NEO1: variants seen among roughly 807,000 people sequenced by gnomAD.
The protein encoded by NEO1 is neogenin 1.
Under a neutral mutation model 159.7 loss-of-function variants are expected in NEO1, and 63 were observed. The ratio of observed to expected loss-of-function variants is 0.39; its 90% CI spans 0.32 to 0.49. NEO1 has a LOEUF of 0.49. NEO1 is among the 20% of genes least tolerant of loss of function. The pLI, the probability that NEO1 is intolerant of heterozygous loss-of-function variation, is 0.85. For missense variants in NEO1, 1,615 were observed against 1,831.0 expected (o/e 0.88, Z 2.15); for synonymous variants, 633 against 662.0 (o/e 0.96, Z 0.67).
At chr15:73,055,362 T>C (rs1254113556) in intron 1 of NEO1, among the ~76,000 whole-genome samples, 1 of 152,204 alleles carries the variant, frequency 6.6e-6, no homozygotes, top group Non-Finnish European at 1.5e-5. Flanking sequence ...TTAGAAAATG[T>C]TGCTTTGTAC....
At chr15:73,195,665 T>G (rs1470142335) in intron 7 of NEO1, among the ~76,000 whole-genome samples, 5 of 152,160 alleles carry the variant, frequency 3.3e-5, no homozygotes, top group Non-Finnish European at 2.9e-5. Context: ...TGCCTGAGTT[T>G]CCCCTTATAT....
intron 1 of NEO1, among the ~76,000 whole-genome samples, chr15:73,111,132 A>T (rs1429944950): frequency 1.3e-5 from 2 of 152,324 alleles, no homozygotes; most frequent in East Asian, 3.9e-4. Context: ...TACTCTCCCC[A>T]GGGAGAAAAC....
At chr15:73,218,528 A>G (rs960356569) in intron 7 of NEO1, among the ~76,000 whole-genome samples, 6 of 152,064 alleles carry the variant, frequency 3.9e-5, no homozygotes, top group Non-Finnish European at 7.4e-5. Flanking sequence ...TACCTCTGGT[A>G]GAATTCGGCT....
At chr15:73,102,552 C>G (rs748837700) in intron 1 of NEO1, among the ~76,000 whole-genome samples, 2 of 152,144 alleles carry the variant, frequency 1.3e-5, no homozygotes, top group Non-Finnish European at 2.9e-5. Flanking sequence ...CAATGTATAT[C>G]TAATGAATGG....
rs543627858 is a variant in NEO1, at chr15:73,112,424, TA to T, written c.131-4110del. Among the ~76,000 whole-genome samples, 340 of 152,268 alleles carry T rather than the reference TA, an allele frequency of 2.2e-3. 1 individual carries two copies. The highest frequency in any genetic ancestry group is 7.3e-3 in the African/African-American group (303 of 41,556). The stretch of plus-strand genomic sequence containing the variant: ...TTTGCTTTGTTATGGTATTTTGCCA[TA>T]AAAAATTTTTTTTTAATGCAATAAA... On this transcript the variant is annotated intron_variant, in intron 1 of 28. Transcript: ENST00000261908.
chr15:73,085,278 T>C (rs1263298498), intron 1 of NEO1, among the ~76,000 whole-genome samples: 2 of 152,074 alleles, frequency 1.3e-5, no homozygotes, highest in East Asian at 1.9e-4. Flanking sequence ...CACAACAACA[T>C]AGATGAATCT....
chr15:73,298,419 C>G lies in NEO1; in HGVS notation c.3973C>G (p.Gln1325Glu). The part of the protein sequence containing the change: ...SSSQTCCTDH[Q>E]DPEGATSSSY... ...GTCTCAAACATGCTGCACTGATCAC[C>G]AGGACCCTGAAGGTGCTACCAGCTC... The change falls in exon 27 of 29, where the codon CAG becomes GAG. Residue 1325 changes from glutamine (Q) to glutamate (E), a missense_variant. Around this residue, in one of 3 missense-constraint regions of NEO1, gnomAD observed 471 missense variants for 498.9 expected, o/e 0.94. Coordinates refer to ENST00000261908, the MANE Select transcript of NEO1 (RefSeq NM_002499.4). 6.2e-7 allele frequency: 1 copy of G among 1,614,232 alleles called. No individual in the cohort carries two copies. The highest frequency in any genetic ancestry group is 8.5e-7 in the Non-Finnish European group (1 of 1,180,050).
chr15:73,258,113 G>C lies in NEO1; in HGVS notation c.2093-653G>C, dbSNP rs563966237. 1.1e-4 allele frequency among the ~76,000 whole-genome samples: 16 copies of C among 152,300 alleles called. 1 individual carries two copies. The highest frequency in any genetic ancestry group is 6.8e-3 in the Middle Eastern group (2 of 294). ...GTAGAATAGACTTTTCTATGTGCAT[G>C]TTTGTTGCGTTTGATACATTGGTAA... On this transcript the variant is annotated intron_variant, in intron 13 of 28. Coordinates refer to ENST00000261908, the MANE Select transcript of NEO1 (RefSeq NM_002499.4).
intron 7 of NEO1, among the ~76,000 whole-genome samples, chr15:73,203,166 T>C (rs1006861468): frequency 1.3e-5 from 2 of 152,174 alleles, no homozygotes; most frequent in Non-Finnish European, 2.9e-5. Context: ...ATTGTTACTT[T>C]TGAGAGGAAC....
At chr15:73,081,630 C>CAGT (rs1261096238) in intron 1 of NEO1, among the ~76,000 whole-genome samples, 4 of 151,796 alleles carry the variant, frequency 2.6e-5, no homozygotes, top group Non-Finnish European at 5.9e-5. Context: ...GACTGGAGTG[C>CAGT]AGTAGCACCA....
At chr15:73,224,155 C>G (rs2038445242) in intron 7 of NEO1, among the ~76,000 whole-genome samples, 1 of 152,178 alleles carries the variant, frequency 6.6e-6, no homozygotes. Context: ...TCTAGGGTTT[C>G]TGCTGAGAAA....
At chr15:73,295,528 C>T (rs2042330231) in intron 26 of NEO1, among the ~76,000 whole-genome samples, 1 of 151,526 alleles carries the variant, frequency 6.6e-6, no homozygotes, top group South Asian at 2.1e-4. Context: ...TATTGGTAAG[C>T]ATTCCCTGCT....
At chr15:73,215,402 A>G (rs557016981) in intron 7 of NEO1, among the ~76,000 whole-genome samples, 80 of 152,214 alleles carry the variant, frequency 5.3e-4, no homozygotes, top group Non-Finnish European at 1.1e-3. Flanking sequence ...TCAGTATTAT[A>G]TTGGCTGTGG....
chr15:73,140,415 G>T lies in NEO1; in HGVS notation c.1015+4388G>T, dbSNP rs1237759950. On this transcript the variant is annotated intron_variant, in intron 5 of 28. Coordinates refer to ENST00000261908, the MANE Select transcript of NEO1 (RefSeq NM_002499.4). ...TACAAAAAATGAAAAAATTAGCTAG[G>T]CATAGTGGCACACACCTGTATTTCC... Among the ~76,000 whole-genome samples, 5 of 152,036 alleles carry T rather than the reference G, an allele frequency of 3.3e-5. No individual in the cohort carries two copies. The East Asian group carries it at 9.6e-4, about 29-fold the overall frequency.
chr15:73,188,208 A>T (rs940179079), intron 7 of NEO1, among the ~76,000 whole-genome samples: 2 of 140,778 alleles, frequency 1.4e-5, no homozygotes, highest in East Asian at 2.0e-4. Flanking sequence ...TTTAGTATTT[A>T]AAAAAAAAAA....
chr15:73,097,277 G>A lies in NEO1; in HGVS notation c.131-19263G>A, dbSNP rs544530027. Reference sequence around the variant, plus strand: ...GGAGCTTGTGTTGAGAAATAAAGACGATATTTTAAATTTTTATCTTTTAAT... The same window carrying A: ...GGAGCTTGTGTTGAGAAATAAAGACAATATTTTAAATTTTTATCTTTTAAT... On this transcript the variant is annotated intron_variant, in intron 1 of 28. Coordinates refer to ENST00000261908, the MANE Select transcript of NEO1 (RefSeq NM_002499.4). 1.5e-4 allele frequency among the ~76,000 whole-genome samples: 22 copies of A among 151,670 alleles called. No homozygotes were observed. The South Asian group carries it at 1.9e-3, about 13-fold the overall frequency.
chr15:73,178,506 A>T, intron 7 of NEO1, 79 bp downstream of exon 7: 1 of 1,525,566 alleles, frequency 6.6e-7, no homozygotes, highest in Non-Finnish European at 8.9e-7. Flanking sequence ...ATAACTCATG[A>T]TTGATAACCC....
intron 5 of NEO1, chr15:73,161,690 A>G (rs1033763806): frequency 6.0e-6 from 1 of 167,128 alleles, no homozygotes; most frequent in African/African-American, 2.4e-5. Context: ...CTCACTCTAC[A>G]TTATAAAAAG....
At chr15:73,162,679 T>C in intron 5 of NEO1, 1 of 161,234 alleles carries the variant, frequency 6.2e-6, no homozygotes, top group Non-Finnish European at 1.4e-5. Flanking sequence ...ATTACAGATG[T>C]GAGTCATCAT....
Sources: allele counts gnomAD v4.1 joint callset (sites outside exome capture counted in the v4.1 genomes callset), GRCh38; gene constraint gnomAD v4.1.1; regional missense constraint gnomAD v4.1.1; transcripts MANE v1.5; gene names NCBI Gene and HGNC (gene_info 2026-07-23, HGNC 2026-07-21).